Variants in BRF1 observed in about 807,000 individuals in gnomAD.
The protein encoded by BRF1 is BRF1 general transcription factor IIIB subunit, also known as transcription factor IIIB 90 kDa subunit.
Under a neutral mutation model 81.7 loss-of-function variants are expected in BRF1, and 59 were observed. The ratio of observed to expected loss-of-function variants is 0.72; its 90% confidence interval spans 0.59 to 0.90. The LOEUF (loss-of-function observed/expected upper bound fraction) is 0.90. BRF1 is among the 40% of genes least tolerant of loss of function. BRF1 has a pLI of 0.00. For missense variants in BRF1, 1,050 were observed against 936.3 expected (o/e 1.12, Z -1.58); for synonymous variants, 491 against 395.6 (o/e 1.24, Z -2.86).
At chr14:105,229,740 G>A (rs1204422214) in intron 6 of BRF1, among the ~76,000 whole-genome samples, 2 of 20,718 alleles carry the variant, frequency 9.7e-5, no homozygotes, top group African/African-American at 3.4e-4. Flanking sequence ...TCGCCCAGCT[G>A]GGGGCGGGGG....
intron 5 of BRF1, among the ~76,000 whole-genome samples, chr14:105,244,985 T>C (rs1020596200): frequency 6.6e-6 from 1 of 151,648 alleles, no homozygotes; most frequent in Non-Finnish European, 1.5e-5. Context: ...AAACAAGTAG[T>C]CCCCTCACCT....
At chr14:105,223,696 G>A (rs1305703573) in intron 10 of BRF1, among the ~76,000 whole-genome samples, 5 of 152,196 alleles carry the variant, frequency 3.3e-5, no homozygotes, top group Admixed American at 3.3e-4. Context: ...CAGATCTGTG[G>A]GTCTTCTTGG....
At chr14:105,248,786 G>A (rs2055344699) in intron 5 of BRF1, 10 of 982,276 alleles carry the variant, frequency 1.0e-5, no homozygotes, top group Non-Finnish European at 1.2e-5. Flanking sequence ...TTGCAGAGCC[G>A]CTCCCGAGGC....
At chr14:105,275,978 G>A (rs2735815) in intron 2 of BRF1, among the ~76,000 whole-genome samples, 1 of 65,670 alleles carries the variant, frequency 1.5e-5, no homozygotes, top group Non-Finnish European at 3.1e-5. Context: ...AGCTGAGAGG[G>A]GGCCCTCACT....
At chr14:105,211,813 C>A (rs1323380052) in intron 16 of BRF1, 1 of 495,430 alleles carries the variant, frequency 2.0e-6, no homozygotes. Flanking sequence ...GCAGTGCCTG[C>A]TTCCTACATA....
intron 1 of BRF1, 36 bp from the exon 2 acceptor site, chr14:105,286,412 T>TG (rs2057318726): frequency 1.3e-6 from 2 of 1,586,904 alleles, no homozygotes; most frequent in Non-Finnish European, 1.7e-6. Flanking sequence ...AGCCAAAACT[T>TG]GGAGATCTGC....
chr14:105,241,256 C>A lies in BRF1; in HGVS notation c.694+9G>T, dbSNP rs1299658920. On this transcript the variant is annotated intron_variant, in intron 6 of 17. Transcript: ENST00000547530. ...CCAGCATCCCCCAGGCAGGCAGGGC[C>A]CGCTGTACCTGCTCCGCAGAGGCCC... 9 of 1,610,024 alleles carry A rather than the reference C, an allele frequency of 5.6e-6. No homozygotes were observed. Among genetic ancestry groups the A allele is most frequent in the Non-Finnish European group, 7.6e-6 (9 of 1,179,572 alleles).
upstream of BRF1, among the ~76,000 whole-genome samples, chr14:105,305,257 C>T (rs1446444510): frequency 6.6e-6 from 1 of 151,942 alleles, no homozygotes; most frequent in Non-Finnish European, 1.5e-5. Flanking sequence ...AAAAACTTAG[C>T]CGGTTGTGGT....
chr14:105,248,449 G>A, intron 5 of BRF1: 1 of 985,252 alleles, frequency 1.0e-6, no homozygotes, highest in Non-Finnish European at 1.2e-6. Context: ...CCGGTTGCTG[G>A]GCAGAAGCTC....
chr14:105,228,056 G>A (rs1030431681), intron 7 of BRF1: 1 of 152,164 alleles, frequency 6.6e-6, no homozygotes, highest in Non-Finnish European at 1.5e-5. Context: ...CCCCACCCCT[G>A]CCTGCCTGGC....
rs1304298880 is a variant in BRF1 at position 105,309,566 on chromosome 14, C to A, written c.-162+5756G>T. 3.3e-5 allele frequency among the ~76,000 whole-genome samples: 5 copies of A among 152,172 alleles called. No homozygotes were observed. Among genetic ancestry groups the A allele is most frequent in the African/African-American group, 1.2e-4 (5 of 41,438 alleles). On this transcript the variant is annotated intron_variant, in intron 1 of 17. Coordinates refer to the BRF1 transcript ENST00000327359. This position sits in a 1 kb window ranked among gnomAD's most constrained non-coding sequence, Gnocchi z 4.0. ...TCACCTGCAGGATGCCATGGGATAC[C>A]CATGAGCCCAGGCAAATCTCCCAAG...
Position 105,218,982 on chromosome 14 carries a change from C to A in BRF1, c.1515+16G>T, listed in dbSNP as rs75894747. The A allele has an allele frequency of 6.2e-7, 1 of 1,613,652 alleles. No homozygotes were observed. The highest frequency in any genetic ancestry group is 8.5e-7 in the Non-Finnish European group (1 of 1,179,992). On this transcript the variant is annotated intron_variant, in intron 14 of 17. Coordinates refer to ENST00000547530, the MANE Select transcript of BRF1 (RefSeq NM_001519.4). ...ACACCCCCAAGAAGGCCAGGCCCAG[C>A]GTCACAGGCGCCCACCTTGTGTTCC...
chr14:105,217,774 C>T lies in BRF1; in HGVS notation c.1542G>A (p.Glu514=). 2 of 1,612,810 alleles carry T rather than the reference C, an allele frequency of 1.2e-6. No individual in the cohort carries two copies. Among genetic ancestry groups the T allele is most frequent in the Non-Finnish European group, 1.7e-6 (2 of 1,179,724 alleles). ...HKPKKSCKRR[E]PIQASTAREA... ...CCCTGGCGGTACTGGCCTGAATTGG[C>T]TCCCGTCGCTTGCAAGACTTCTTGG... Residue 514 remains glutamate, a synonymous_variant, in exon 15 of 18, where the codon GAG becomes GAA. Coordinates refer to ENST00000547530, the MANE Select transcript of BRF1 (RefSeq NM_001519.4).
At chr14:105,270,404 T>A (rs1205355802) in intron 3 of BRF1, among the ~76,000 whole-genome samples, 1 of 151,992 alleles carries the variant, frequency 6.6e-6, no homozygotes, top group Non-Finnish European at 1.5e-5. Context: ...CTCGATCTCC[T>A]GACCTCGTGA....
At chr14:105,310,364 AAT>A (rs1323057750) in intron 1 of BRF1, among the ~76,000 whole-genome samples, 2 of 151,482 alleles carry the variant, frequency 1.3e-5, no homozygotes, top group Non-Finnish European at 2.9e-5. Flanking sequence ...CCCCGTCTCT[AAT>A]AAAAATACAA....
rs779238570 is a variant in BRF1 at position 105,300,470 on chromosome 14, C to A, written c.160G>T (p.Val54Leu). The change falls in exon 1 of 18, where the codon GTG (valine) becomes TTG (leucine). Residue 54 changes from valine to leucine, a missense_variant. Transcript: ENST00000547530. ...VESSGGGSSA[V>L]GQFVSLDGAG... The stretch of plus-strand genomic sequence containing the variant: ...CCGTCCAGGGACACGAACTGGCCCA[C>A]GGCCGAGGAGCCGCCGCCGCTGCTC... 4 of 1,533,086 alleles carry A rather than the reference C, an allele frequency of 2.6e-6. No homozygotes were observed. Among genetic ancestry groups the A allele is most frequent in the Non-Finnish European group, 3.5e-6 (4 of 1,144,042 alleles). The allele number at this position is 1,533,086 out of a possible 1,614,324, so 95.0% of individuals were successfully genotyped here.
At chr14:105,283,862 G>A (rs2057212683) in intron 2 of BRF1, among the ~76,000 whole-genome samples, 1 of 152,208 alleles carries the variant, frequency 6.6e-6, no homozygotes, top group African/African-American at 2.4e-5. Context: ...GGCACCACAA[G>A]CAATGGGCAG....
intron 4 of BRF1, chr14:105,256,287 G>T (rs1230199924): frequency 1.3e-6 from 2 of 1,546,370 alleles, no homozygotes; most frequent in Non-Finnish European, 1.7e-6. Context: ...GCCCAGCATT[G>T]GCAGGTGCCC....
At chr14:105,223,109 C>A (rs1428998888) in intron 10 of BRF1, among the ~76,000 whole-genome samples, 1 of 152,162 alleles carries the variant, frequency 6.6e-6, no homozygotes, top group Non-Finnish European at 1.5e-5. Flanking sequence ...GGGAGGGTTG[C>A]TTGAGCCCAG....
Sources: allele counts gnomAD v4.1 joint callset (sites outside exome capture counted in the v4.1 genomes callset), GRCh38; gene constraint gnomAD v4.1.1; non-coding constraint Gnocchi (gnomAD v3.1); transcripts MANE v1.5; gene names NCBI Gene and HGNC (gene_info 2026-07-23, HGNC 2026-07-21).